Variants in CLCN3 observed in about 807,000 individuals in gnomAD.
The protein encoded by CLCN3 is H(+)/Cl(-) exchange transporter 3.
Under a neutral mutation model 83.4 loss-of-function variants are expected in CLCN3, and 16 were observed. The observed-to-expected ratio is 0.19, with a 90% CI of 0.13 to 0.29. The LOEUF (loss-of-function observed/expected upper bound fraction) is 0.29. CLCN3 is among the 10% of genes least tolerant of loss of function. The pLI is 1.00. For synonymous variants in CLCN3, 322 were observed against 346.2 expected (o/e 0.93, Z 0.78); for missense variants, 544 against 1,006.0 (o/e 0.54, Z 6.21).
chr4:169,653,571 G>T (rs969558927), intron 2 of CLCN3, among the ~76,000 whole-genome samples: 2 of 149,630 alleles, frequency 1.3e-5, no homozygotes, highest in African/African-American at 4.9e-5. Flanking sequence ...AACCCGGAGG[G>T]TGGAGGTTGC....
At chr4:169,718,891 T>G (rs1396691997) in intron 12 of CLCN3, among the ~76,000 whole-genome samples, 1 of 152,236 alleles carries the variant, frequency 6.6e-6, no homozygotes, top group African/African-American at 2.4e-5. Flanking sequence ...CTTCTGATTT[T>G]TCACCTATCT....
At chr4:169,667,196 C>T (rs1731276935) in intron 2 of CLCN3, among the ~76,000 whole-genome samples, 1 of 152,008 alleles carries the variant, frequency 6.6e-6, no homozygotes, top group Admixed American at 6.6e-5. Flanking sequence ...GGTACGGTTT[C>T]ATTCTTTTGC....
At chr4:169,667,927 G>C (rs7678712) in intron 2 of CLCN3, among the ~76,000 whole-genome samples, 4,571 of 151,240 alleles carry the variant, frequency 0.03, 137 homozygotes, top group African/African-American at 0.08. Flanking sequence ...TTTTAGTAGA[G>C]ATGGGGTTTC....
At chr4:169,643,379 C>T (rs936312573) in intron 2 of CLCN3, among the ~76,000 whole-genome samples, 1 of 151,486 alleles carries the variant, frequency 6.6e-6, no homozygotes, top group Non-Finnish European at 1.5e-5. Context: ...TACAGGCACG[C>T]ACCACCATGC....
Position 169,690,513 on chromosome 4 carries a change from A to T in CLCN3, c.607-17A>T. ...AATGTAAATTAAATTCATACTCTCGAACTATTTTCTTTTTAGGGTCCTGGT... is the reference window on the plus strand; with the variant it reads ...AATGTAAATTAAATTCATACTCTCGTACTATTTTCTTTTTAGGGTCCTGGT... On this transcript the variant is annotated splice_polypyrimidine_tract_variant and intron_variant, in intron 5 of 12. Transcript: ENST00000513761. 1 of 1,601,008 alleles carries T rather than the reference A, an allele frequency of 6.2e-7. No homozygotes were observed. Among genetic ancestry groups the T allele is most frequent in the Non-Finnish European group, 8.5e-7 (1 of 1,175,954 alleles).
At chr4:169,680,431 A>G (rs113291088) in intron 3 of CLCN3, 11 of 396,648 alleles carry the variant, frequency 2.8e-5, no homozygotes, top group African/African-American at 1.9e-4. Context: ...CTAAAAAACA[A>G]AGAAATACAA....
intron 12 of CLCN3, among the ~76,000 whole-genome samples, chr4:169,718,617 T>C (rs1733516482): frequency 6.6e-6 from 1 of 152,172 alleles, no homozygotes; most frequent in Non-Finnish European, 1.5e-5. Flanking sequence ...TGACTACAAA[T>C]TTGAATTATC....
At chr4:169,681,753 A>G (rs1384104453) in intron 3 of CLCN3, among the ~76,000 whole-genome samples, 1 of 152,256 alleles carries the variant, frequency 6.6e-6, no homozygotes, top group Non-Finnish European at 1.5e-5. Flanking sequence ...AACCCATTAC[A>G]TGTTGACATA....
At chr4:169,630,119 G>C (rs1773332230) in intron 1 of CLCN3, among the ~76,000 whole-genome samples, 1 of 152,186 alleles carries the variant, frequency 6.6e-6, no homozygotes, top group Non-Finnish European at 1.5e-5. Flanking sequence ...AAATGAGTAG[G>C]AGAGTTAATT....
At chr4:169,625,879 T>C (rs1326068455) in intron 1 of CLCN3, among the ~76,000 whole-genome samples, 1 of 152,216 alleles carries the variant, frequency 6.6e-6, no homozygotes, top group Non-Finnish European at 1.5e-5. Context: ...ACAGAAGACT[T>C]CTGTGACCAG....
At chr4:169,698,616 G>A (rs1263337960) in intron 9 of CLCN3, among the ~76,000 whole-genome samples, 12 of 152,154 alleles carry the variant, frequency 7.9e-5, no homozygotes, top group African/African-American at 2.9e-4. Flanking sequence ...ACATACACTT[G>A]CTGGGACAAG....
intron 2 of CLCN3, among the ~76,000 whole-genome samples, chr4:169,649,284 G>A (rs1730666603): frequency 6.6e-6 from 1 of 152,178 alleles, no homozygotes; most frequent in Non-Finnish European, 1.5e-5. Context: ...ACGTAGCTAA[G>A]CAAGGTCTAA....
intron 3 of CLCN3, among the ~76,000 whole-genome samples, chr4:169,683,675 A>T (rs1732036730): frequency 6.6e-6 from 1 of 152,062 alleles, no homozygotes; most frequent in Non-Finnish European, 1.5e-5. Flanking sequence ...ATCCATGCTT[A>T]TATGAACAAG....
rs1733475270 is a variant in CLCN3, at chr4:169,717,638, G to T, written c.2367-2269G>T. ...GTAGAATTTATGCAAAAGGAACCTG[G>T]AACTTTAAATCATTTTGTTTTTATT... is the stretch of plus-strand genomic sequence containing the variant. On this transcript the variant is annotated intron_variant, in intron 12 of 12. Coordinates refer to ENST00000513761, the MANE Select transcript of CLCN3 (RefSeq NM_001829.4). Among the ~76,000 whole-genome samples, 3 of 152,184 alleles carry T rather than the reference G, an allele frequency of 2.0e-5. No individual in the cohort carries two copies. In the East Asian group the frequency reaches 5.8e-4, roughly 29 times the overall value.
chr4:169,665,209 A>G (rs1731200714), intron 2 of CLCN3, among the ~76,000 whole-genome samples: 1 of 152,184 alleles, frequency 6.6e-6, no homozygotes, highest in Admixed American at 6.5e-5. Context: ...TCTCTAACTA[A>G]GGATGTGGCT....
chr4:169,708,312 G>GA (rs1379905330), intron 11 of CLCN3, among the ~76,000 whole-genome samples: 2 of 152,070 alleles, frequency 1.3e-5, no homozygotes, highest in African/African-American at 4.8e-5. Flanking sequence ...AGCAGAGAGA[G>GA]AAAAAAGAAA....
intron 1 of CLCN3, among the ~76,000 whole-genome samples, chr4:169,634,353 A>T (rs891112423): frequency 6.6e-6 from 1 of 152,226 alleles, no homozygotes; most frequent in Admixed American, 6.5e-5. Context: ...TTCTTCACAA[A>T]AATCTTAGCA....
chr4:169,652,811 G>A (rs529379757), intron 2 of CLCN3, among the ~76,000 whole-genome samples: 196 of 152,258 alleles, frequency 1.3e-3, no homozygotes, highest in Non-Finnish European at 2.2e-3. Flanking sequence ...AGCTATGTAT[G>A]GATTTTGATT....
At chr4:169,698,956 C>G (rs1732674564) in intron 9 of CLCN3, among the ~76,000 whole-genome samples, 1 of 152,228 alleles carries the variant, frequency 6.6e-6, no homozygotes, top group Non-Finnish European at 1.5e-5. Flanking sequence ...GACCCAAACT[C>G]TGCTAAATCT....
Sources: allele counts gnomAD v4.1 joint callset (sites outside exome capture counted in the v4.1 genomes callset), GRCh38; gene constraint gnomAD v4.1.1; transcripts MANE v1.5; gene names NCBI Gene and HGNC (gene_info 2026-07-23, HGNC 2026-07-21).